KCMF1: variants seen among roughly 807,000 people sequenced by gnomAD.
KCMF1 encodes the protein potassium channel modulatory factor 1.
KCMF1 carries 3 observed loss-of-function variants against 41.1 expected under a neutral mutation model. That is an observed-to-expected ratio of 0.07 (90% CI 0.03 to 0.19). KCMF1 has a LOEUF of 0.19. Among genes scored for constraint, KCMF1 ranks in the 10% least tolerant of loss-of-function variants. The pLI is 1.00. For synonymous variants in KCMF1, 142 were observed against 164.5 expected (o/e 0.86, Z 1.04); for missense variants, 286 against 488.9 (o/e 0.58, Z 3.91).
rs776304002 is a variant in KCMF1, at chr2:85,046,272, A to G, written c.595A>G (p.Ile199Val). The G allele has an allele frequency of 1.9e-6, 3 of 1,610,876 alleles. No homozygotes were observed. The highest frequency in any genetic ancestry group is 4.5e-5 in the East Asian group (2 of 44,820). ...AAGCAATAGGGAAGCCATGGATCCT[A>G]TAGCTGGTAAGTTAGTTTCACATTA... Reference protein sequence around the residue: ...SPSNREAMDPIAELLSQLSGV... With the variant: ...SPSNREAMDPVAELLSQLSGV... Residue 199 changes from isoleucine (I) to valine (V), a missense_variant, in exon 5 of 7, where the codon ATA (isoleucine) becomes GTA (valine). Ile to Val is a conservative substitution (Grantham distance 29, BLOSUM62 3). Coordinates refer to ENST00000409785, the MANE Select transcript of KCMF1 (RefSeq NM_020122.5).
At chr2:84,997,032 CTG>C (rs971940660) in intron 1 of KCMF1, among the ~76,000 whole-genome samples, 6 of 152,160 alleles carry the variant, frequency 3.9e-5, no homozygotes, top group African/African-American at 1.4e-4. Context: ...AGAATAATAA[CTG>C]TATGTAAACA....
intron 1 of KCMF1, among the ~76,000 whole-genome samples, chr2:84,991,561 G>GT (rs1304088165): frequency 2.0e-5 from 3 of 152,166 alleles, no homozygotes; most frequent in African/African-American, 7.2e-5. Context: ...CAGGAGAGTG[G>GT]TAGAAAGCCC....
Position 84,977,559 on chromosome 2 carries a change from C to T in KCMF1, c.16+6092C>T, listed in dbSNP as rs181536380. ...CTTCAGCCTCCATAGCAGGTCGGAC[C>T]ACAGGTGTGCGCCCCACACCCGACT... On this transcript the variant is annotated intron_variant, in intron 1 of 6. Transcript: ENST00000409785. 1.3e-4 allele frequency among the ~76,000 whole-genome samples: 19 copies of T among 151,968 alleles called. No individual in the cohort carries two copies. In the East Asian group the frequency reaches 3.3e-3, roughly 26 times the overall value.
chr2:85,028,087 C>T, intron 2 of KCMF1, 31 bp downstream of exon 2: 1 of 1,425,994 alleles, frequency 7.0e-7, no homozygotes, highest in East Asian at 2.3e-5. Flanking sequence ...TGAATTACAT[C>T]ATTTAGAATT....
intron 1 of KCMF1, among the ~76,000 whole-genome samples, chr2:85,008,314 T>TATCATATATA (rs1558573447): frequency 2.0e-5 from 2 of 101,026 alleles, no homozygotes; most frequent in African/African-American, 9.0e-5. Flanking sequence ...TAATATGATA[T>TATCATATATA]ATATATCATA....
intron 1 of KCMF1, among the ~76,000 whole-genome samples, chr2:85,017,862 TAAGA>T (rs948920749): frequency 1.3e-5 from 2 of 152,182 alleles, no homozygotes; most frequent in African/African-American, 2.4e-5. Context: ...ATTTTTTTAA[TAAGA>T]AAGAAAAGAC....
chr2:84,979,264 T>C (rs148249551), intron 1 of KCMF1, among the ~76,000 whole-genome samples: 3,047 of 152,268 alleles, frequency 0.02, 39 homozygotes, highest in Middle Eastern at 0.031. Flanking sequence ...CGCTGTGGCT[T>C]ATGCCTGTAA....
intron 1 of KCMF1, among the ~76,000 whole-genome samples, chr2:85,008,363 T>TATATA (rs1558573608): frequency 1.5e-4 from 2 of 13,444 alleles, no homozygotes; most frequent in East Asian, 3.2e-3. Flanking sequence ...TAATATATAT[T>TATATA]ATATATCATA....
intron 3 of KCMF1, among the ~76,000 whole-genome samples, chr2:85,039,435 A>T (rs577014560): frequency 5.3e-5 from 8 of 150,440 alleles, no homozygotes; most frequent in South Asian, 2.1e-4. Context: ...TGTTGTTTTT[A>T]AAAAAAAAAT....
intron 1 of KCMF1, among the ~76,000 whole-genome samples, chr2:85,007,823 A>G (rs1674509553): frequency 1.3e-5 from 2 of 152,090 alleles, no homozygotes; most frequent in South Asian, 2.1e-4. Context: ...CTGGAGTGCA[A>G]TGGCGTGATC....
chr2:85,026,459 TTTATTATTATTA>T lies in KCMF1; in HGVS notation c.17-1403_17-1392del, dbSNP rs35093562. On this transcript the variant is annotated intron_variant, in intron 1 of 6. Coordinates refer to ENST00000409785, the MANE Select transcript of KCMF1 (RefSeq NM_020122.5). ...GCCCTGTTCAAGCTTCTTTCTTTCC[TTTATTATTATTA>T]TTATTATTATTATTATTATTATTAT... Among the ~76,000 whole-genome samples, 196 of 139,344 alleles carry T rather than the reference TTTATTATTATTA, an allele frequency of 1.4e-3. No homozygotes were observed. In the East Asian group the frequency reaches 0.015, roughly 11 times the overall value. 91.4% of individuals were successfully genotyped at this position (139,344 alleles called of 152,430 possible).
intron 5 of KCMF1, among the ~76,000 whole-genome samples, chr2:85,047,952 T>TG (rs1491344588): frequency 6.6e-6 from 1 of 151,988 alleles, no homozygotes; most frequent in Non-Finnish European, 1.5e-5. Context: ...CAGCAGACAC[T>TG]GGGGGAGGGT....
chr2:85,053,071 A>G (rs902236433), intron 6 of KCMF1, 77 bp from the exon 7 acceptor site: 18 of 1,314,508 alleles, frequency 1.4e-5, no homozygotes, highest in Non-Finnish European at 1.9e-5. Flanking sequence ...TTCACAGTGG[A>G]GAGCACTGTA....
chr2:85,029,074 A>G (rs945580965), intron 2 of KCMF1, among the ~76,000 whole-genome samples: 1 of 152,104 alleles, frequency 6.6e-6, no homozygotes, highest in African/African-American at 2.4e-5. Context: ...GCTTCAAGCA[A>G]TTCTCGTGCC....
chr2:85,027,209 C>T (rs1474198773), intron 1 of KCMF1, among the ~76,000 whole-genome samples: 1 of 152,014 alleles, frequency 6.6e-6, no homozygotes, highest in Non-Finnish European at 1.5e-5. Flanking sequence ...TTAATTATCC[C>T]ACCTTCACTA....
intron 1 of KCMF1, among the ~76,000 whole-genome samples, chr2:84,991,172 G>A (rs772206970): frequency 2.6e-5 from 4 of 152,156 alleles, no homozygotes; most frequent in Non-Finnish European, 5.9e-5. Flanking sequence ...TAATGTAGGG[G>A]AAAGGAGGAA....
chr2:85,036,907 C>A (rs984259952), intron 3 of KCMF1, among the ~76,000 whole-genome samples: 1 of 150,374 alleles, frequency 6.7e-6, no homozygotes, highest in Non-Finnish European at 1.5e-5. Context: ...AGCCAATAGT[C>A]CCTAGTATAG....
chr2:85,009,983 C>T (rs1674614125), intron 1 of KCMF1, among the ~76,000 whole-genome samples: 1 of 152,230 alleles, frequency 6.6e-6, no homozygotes, highest in Non-Finnish European at 1.5e-5. Context: ...GGATTCTTAG[C>T]TTTCCCCTTT....
intron 1 of KCMF1, among the ~76,000 whole-genome samples, chr2:85,008,384 T>TATA (rs1674561639): frequency 1.2e-4 from 15 of 120,328 alleles, no homozygotes; most frequent in South Asian, 9.9e-4. Context: ...TGATATATTA[T>TATA]ATATGATATA....
Sources: allele counts gnomAD v4.1 joint callset (sites outside exome capture counted in the v4.1 genomes callset), GRCh38; gene constraint gnomAD v4.1.1; transcripts MANE v1.5; gene names NCBI Gene and HGNC (gene_info 2026-07-23, HGNC 2026-07-21).